The following CSMD1 variants were observed in gnomAD, a reference collection of about 807,000 sequenced individuals.
The protein encoded by CSMD1 is CUB and sushi domain-containing protein 1.
CSMD1 carries 213 observed loss-of-function variants against 417.5 expected under a neutral mutation model. The observed-to-expected ratio is 0.51, with a 90% CI of 0.46 to 0.57. The LOEUF (loss-of-function observed/expected upper bound fraction) is 0.57, where lower values mean the gene tolerates loss of function less well. Among genes scored for constraint, CSMD1 ranks in the 20% least tolerant of loss-of-function variants. The pLI, the probability that CSMD1 is intolerant of heterozygous loss-of-function variation, is 0.00. For synonymous variants in CSMD1, 2,862 were observed against 1,736.8 expected (o/e 1.65, Z -16.11); for missense variants, 6,923 against 4,529.7 (o/e 1.53, Z -15.17).
At chr8:4,922,334 T>A (rs1360837216) in intron 1 of CSMD1, among the ~76,000 whole-genome samples, 1 of 152,176 alleles carries the variant, frequency 6.6e-6, no homozygotes, top group Non-Finnish European at 1.5e-5. Context: ...TCCCACCCCA[T>A]CTCAAACTAG....
chr8:4,464,223 G>A (rs200109783), intron 2 of CSMD1, among the ~76,000 whole-genome samples: 2 of 152,070 alleles, frequency 1.3e-5, no homozygotes, highest in East Asian at 3.9e-4. Flanking sequence ...GGATTTCACT[G>A]CCTCTTAACA....
chr8:3,858,724 A>G (rs1329353480), intron 5 of CSMD1, among the ~76,000 whole-genome samples: 2 of 152,036 alleles, frequency 1.3e-5, no homozygotes, highest in Admixed American at 1.3e-4. Flanking sequence ...CATAAATCAG[A>G]TTACATTTTC....
chr8:3,013,249 T>C (rs79265681), intron 52 of CSMD1, among the ~76,000 whole-genome samples: 12,873 of 152,182 alleles, frequency 0.085, 599 homozygotes, highest in African/African-American at 0.13. Context: ...AATTTTATGT[T>C]TGTTTCTTTT....
At chr8:3,877,885 G>A (rs1805935993) in intron 5 of CSMD1, among the ~76,000 whole-genome samples, 1 of 151,016 alleles carries the variant, frequency 6.6e-6, no homozygotes, top group Non-Finnish European at 1.5e-5. Flanking sequence ...CATTCAGAAG[G>A]AAAATTGTAT....
chr8:4,406,237 G>A (rs1041081034), intron 3 of CSMD1, among the ~76,000 whole-genome samples: 1 of 152,074 alleles, frequency 6.6e-6, no homozygotes, highest in African/African-American at 2.4e-5. Context: ...CCCCCAAATG[G>A]TGCAAGTGGC....
intron 12 of CSMD1, among the ~76,000 whole-genome samples, chr8:3,429,421 G>T (rs1028688803): frequency 1.4e-4 from 22 of 152,130 alleles, no homozygotes; most frequent in Non-Finnish European, 2.6e-4. Flanking sequence ...CAGAGGTAGT[G>T]ACCCAAGGGA....
At chr8:4,617,924 C>A (rs984299129) in intron 2 of CSMD1, among the ~76,000 whole-genome samples, 2 of 152,160 alleles carry the variant, frequency 1.3e-5, no homozygotes, top group South Asian at 2.1e-4. Context: ...TATGCAATAA[C>A]ACTTGTTAAT....
chr8:4,519,977 T>A (rs1288850114), intron 2 of CSMD1, among the ~76,000 whole-genome samples: 4 of 151,554 alleles, frequency 2.6e-5, no homozygotes, highest in Non-Finnish European at 5.9e-5. Flanking sequence ...CATTTTTCAT[T>A]CAACCAAAGG....
chr8:4,199,512 C>T (rs1017624114), intron 3 of CSMD1, among the ~76,000 whole-genome samples: 3 of 152,180 alleles, frequency 2.0e-5, no homozygotes, highest in Non-Finnish European at 4.4e-5. Context: ...TGTCAATTTT[C>T]ATTTAAATAT....
At chr8:3,817,597 C>T (rs1168745873) in intron 5 of CSMD1, among the ~76,000 whole-genome samples, 3 of 151,980 alleles carry the variant, frequency 2.0e-5, no homozygotes, top group South Asian at 4.2e-4. Flanking sequence ...TATTTAGAGT[C>T]ACAGAATATT....
At chr8:3,292,001 T>C (rs1044257187) in intron 25 of CSMD1, among the ~76,000 whole-genome samples, 11 of 152,188 alleles carry the variant, frequency 7.2e-5, no homozygotes, top group Admixed American at 1.3e-4. Flanking sequence ...GCTTTGAATG[T>C]GTCCCAGAGA....
chr8:3,009,937 G>C (rs1205615732), intron 52 of CSMD1, among the ~76,000 whole-genome samples: 1 of 152,138 alleles, frequency 6.6e-6, no homozygotes, highest in Non-Finnish European at 1.5e-5. Context: ...CCATCATTTG[G>C]ACTGTCTTTG....
chr8:4,325,110 G>A (rs2036549), intron 3 of CSMD1, among the ~76,000 whole-genome samples: 132,123 of 152,156 alleles, frequency 0.87, 57,562 homozygotes, highest in East Asian at 0.99. Flanking sequence ...CCCACTTGAT[G>A]ATACTGCACA....
intron 49 of CSMD1, among the ~76,000 whole-genome samples, chr8:3,085,322 G>A (rs181342458): frequency 2.0e-5 from 3 of 152,182 alleles, no homozygotes; most frequent in African/African-American, 7.2e-5. Flanking sequence ...TAACAGAAAG[G>A]TTAACAGGAA....
At chr8:3,817,304 G>T (rs551526476) in intron 5 of CSMD1, among the ~76,000 whole-genome samples, 5 of 73,852 alleles carry the variant, frequency 6.8e-5, no homozygotes, top group South Asian at 1.1e-3. Context: ...TTTTTGAGAT[G>T]GAGTCTCGCT....
intron 5 of CSMD1, among the ~76,000 whole-genome samples, chr8:3,805,872 T>C (rs58242307): frequency 2.3e-3 from 354 of 152,218 alleles, no homozygotes; most frequent in African/African-American, 7.8e-3. Flanking sequence ...TTTCCCAGAT[T>C]TCTATTCTGG....
At chr8:4,806,401 G>C (rs1448927781) in intron 1 of CSMD1, among the ~76,000 whole-genome samples, 3 of 152,098 alleles carry the variant, frequency 2.0e-5, no homozygotes, top group South Asian at 2.1e-4. Flanking sequence ...ATGAAGCAAA[G>C]TTCTTTGCCA....
intron 1 of CSMD1, among the ~76,000 whole-genome samples, chr8:4,729,193 A>T (rs1320839736): frequency 6.6e-6 from 1 of 152,202 alleles, no homozygotes; most frequent in Non-Finnish European, 1.5e-5. Context: ...TCAGGAAACA[A>T]ATAAAAATGC....
At chr8:4,523,999 G>C (rs1470155111) in intron 2 of CSMD1, among the ~76,000 whole-genome samples, 1 of 152,100 alleles carries the variant, frequency 6.6e-6, no homozygotes, top group Non-Finnish European at 1.5e-5. Flanking sequence ...GGGTCCCTAT[G>C]TTAGGTTTTG....
Sources: gnomAD v4.1 joint callset for allele counts (sites outside exome capture counted in the v4.1 genomes callset) on GRCh38, gnomAD v4.1.1 for gene constraint, MANE v1.5 for transcripts, NCBI Gene and HGNC (gene_info 2026-07-23, HGNC 2026-07-21) for gene names.